Variants in PLEKHM3 observed in about 807,000 individuals in gnomAD.
The protein encoded by PLEKHM3 is pleckstrin homology domain-containing family M member 3.
PLEKHM3 carries 45 observed loss-of-function variants against 81.8 expected under a neutral mutation model. That is an observed-to-expected ratio of 0.55 (90% CI 0.43 to 0.71). The LOEUF is 0.71. Among genes scored for constraint, PLEKHM3 ranks in the 30% least tolerant of loss-of-function variants. The pLI is 0.00. For synonymous variants in PLEKHM3, 352 were observed against 356.4 expected (o/e 0.99, Z 0.14); for missense variants, 788 against 924.3 (o/e 0.85, Z 1.91).
At chr2:207,872,939 C>A (rs1267011565) in intron 6 of PLEKHM3, among the ~76,000 whole-genome samples, 2 of 152,082 alleles carry the variant, frequency 1.3e-5, no homozygotes, top group Non-Finnish European at 2.9e-5. Context: ...CAAAACAAAG[C>A]AACTCCCTGT....
chr2:207,877,952 T>C lies in PLEKHM3; in HGVS notation c.1951-16690A>G, dbSNP rs149194218. Among the ~76,000 whole-genome samples, 389 of 152,318 alleles carry C rather than the reference T, an allele frequency of 2.6e-3. 1 individual carries two copies. Among genetic ancestry groups the C allele is most frequent in the Non-Finnish European group, 4.8e-3 (327 of 68,032 alleles). ...CTGCTCTAGGCTTTTATTTATTTAT[T>C]TGAGACAGGGACTCCCTCTGTCATC... is the stretch of plus-strand genomic sequence containing the variant. On this transcript the variant is annotated intron_variant, in intron 6 of 7. Coordinates refer to ENST00000427836, the MANE Select transcript of PLEKHM3 (RefSeq NM_001080475.3).
chr2:207,906,286 T>C (rs1000379348), intron 6 of PLEKHM3, among the ~76,000 whole-genome samples: 1 of 151,926 alleles, frequency 6.6e-6, no homozygotes, highest in Non-Finnish European at 1.5e-5. Context: ...TGAACAACAA[T>C]TTTAAGTAAA....
chr2:207,827,378 T>C lies in PLEKHM3; in HGVS notation c.*941A>G, dbSNP rs1048238595. The C allele has an allele frequency of 2.0e-5, 3 of 152,036 alleles. No homozygotes were observed. Among genetic ancestry groups the C allele is most frequent in the Non-Finnish European group, 1.5e-5 (1 of 67,966 alleles). The allele number at this position is 152,036 out of a possible 1,614,324, so 9.4% of individuals were successfully genotyped here. A position where few individuals can be genotyped will look rare whatever the true frequency, so the allele number is the denominator to read the frequency against. On this transcript the variant is annotated 3_prime_UTR_variant, in exon 8 of 8. Coordinates refer to ENST00000427836, the MANE Select transcript of PLEKHM3 (RefSeq NM_001080475.3). ...CCTCTTTGGGAATATACTTACTAGA[T>C]AGCCTTATCTACCAGTCTACACGAC...
At chr2:207,971,927 T>A (rs1691135292) in intron 3 of PLEKHM3, among the ~76,000 whole-genome samples, 1 of 152,182 alleles carries the variant, frequency 6.6e-6, no homozygotes, top group African/African-American at 2.4e-5. Context: ...CTTTTATAGG[T>A]CAAAAATGAC....
intron 1 of PLEKHM3, among the ~76,000 whole-genome samples, chr2:208,013,424 G>A (rs1692767308): frequency 6.6e-6 from 1 of 152,088 alleles, no homozygotes; most frequent in Admixed American, 6.5e-5. Flanking sequence ...GCTGAGGCAG[G>A]AGAATTGCTT....
At chr2:207,885,086 A>G (rs1478647120) in intron 6 of PLEKHM3, among the ~76,000 whole-genome samples, 1 of 152,352 alleles carries the variant, frequency 6.6e-6, no homozygotes, top group East Asian at 1.9e-4. Context: ...CTGCAGAGTT[A>G]GTAAAATAAA....
chr2:207,828,664 T>C (rs1304118774), intron 7 of PLEKHM3, among the ~76,000 whole-genome samples, 168 bp from the exon 8 acceptor site: 2 of 152,198 alleles, frequency 1.3e-5, no homozygotes, highest in Non-Finnish European at 2.9e-5. Flanking sequence ...TTTTCCAAAA[T>C]GCTCAAGGTT....
chr2:207,875,445 T>C (rs981709444), intron 6 of PLEKHM3, among the ~76,000 whole-genome samples: 5 of 152,164 alleles, frequency 3.3e-5, no homozygotes, highest in Non-Finnish European at 5.9e-5. Context: ...CTCAAGACAG[T>C]GAATGGAAGT....
intron 5 of PLEKHM3, 152 bp from the exon 6 acceptor site, chr2:207,908,729 T>C (rs1688708857): frequency 3.2e-6 from 2 of 628,726 alleles, no homozygotes; most frequent in Admixed American, 3.7e-5. Flanking sequence ...ACCTGTAATA[T>C]CTTTTTCTCA....
chr2:207,961,553 A>T (rs1313091589), intron 3 of PLEKHM3, among the ~76,000 whole-genome samples: 1 of 152,214 alleles, frequency 6.6e-6, no homozygotes, highest in Non-Finnish European at 1.5e-5. Flanking sequence ...GTAATAAATA[A>T]AATCAATTCT....
intron 6 of PLEKHM3, among the ~76,000 whole-genome samples, chr2:207,863,921 A>G (rs978521640): frequency 3.3e-5 from 5 of 151,146 alleles, no homozygotes; most frequent in Non-Finnish European, 7.4e-5. Context: ...AAAAATATAT[A>G]TATATATTAG....
At chr2:207,978,338 T>G (rs1574463205) in intron 2 of PLEKHM3, among the ~76,000 whole-genome samples, 1 of 149,738 alleles carries the variant, frequency 6.7e-6, no homozygotes, top group East Asian at 2.0e-4. Context: ...GTAATTGCGG[T>G]TTTTACCATT....
At chr2:207,850,298 AT>A (rs2092405735) in intron 7 of PLEKHM3, among the ~76,000 whole-genome samples, 1 of 152,236 alleles carries the variant, frequency 6.6e-6, no homozygotes, top group Non-Finnish European at 1.5e-5. Context: ...CAGATGGAGG[AT>A]ACCAACACCA....
chr2:207,832,478 GATTTT>G (rs2092293805), intron 7 of PLEKHM3, among the ~76,000 whole-genome samples: 1 of 152,134 alleles, frequency 6.6e-6, no homozygotes, highest in Admixed American at 6.5e-5. Flanking sequence ...TTGAGAATAG[GATTTT>G]ATTTTTTCAC....
chr2:207,923,900 TATA>T (rs1161522852), intron 5 of PLEKHM3, among the ~76,000 whole-genome samples: 93 of 91,570 alleles, frequency 1.0e-3, no homozygotes, highest in African/African-American at 3.8e-3. Flanking sequence ...TATATATATA[TATA>T]TATTTTTTTT....
chr2:207,894,745 C>A (rs892190352), intron 6 of PLEKHM3, among the ~76,000 whole-genome samples: 2 of 152,164 alleles, frequency 1.3e-5, no homozygotes, highest in Admixed American at 6.5e-5. Flanking sequence ...TGGCAGTATT[C>A]ATTCTTCTTT....
At chr2:207,940,690 A>T (rs1224705564) in intron 4 of PLEKHM3, among the ~76,000 whole-genome samples, 1 of 152,264 alleles carries the variant, frequency 6.6e-6, no homozygotes, top group African/African-American at 2.4e-5. Flanking sequence ...CTCAAGGGCC[A>T]CATGACACGA....
intron 3 of PLEKHM3, among the ~76,000 whole-genome samples, chr2:207,969,250 G>A (rs1210343480): frequency 6.6e-6 from 1 of 152,160 alleles, no homozygotes. Context: ...TCTTTACCTA[G>A]ACTCACATTC....
At chr2:208,021,382 C>T (rs932696963) in intron 1 of PLEKHM3, among the ~76,000 whole-genome samples, 6 of 152,180 alleles carry the variant, frequency 3.9e-5, no homozygotes, top group African/African-American at 1.2e-4. Context: ...TGACATTCAG[C>T]GATCCTTCTA....
Sources: gnomAD v4.1 joint callset for allele counts (sites outside exome capture counted in the v4.1 genomes callset) on GRCh38, gnomAD v4.1.1 for gene constraint, MANE v1.5 for transcripts, NCBI Gene and HGNC (gene_info 2026-07-23, HGNC 2026-07-21) for gene names.